Variants in RBMS3 observed in about 807,000 individuals in gnomAD.
RBMS3 encodes RNA binding motif single stranded interacting protein 3.
A neutral mutation model predicts 66.8 loss-of-function variants in RBMS3; 27 were observed. The observed-to-expected ratio is 0.40, with a 90% CI of 0.30 to 0.56. The LOEUF is 0.56. RBMS3 is among the 20% of genes least tolerant of loss of function. RBMS3 has a pLI of 0.40. For synonymous variants in RBMS3, 188 were observed against 183.0 expected (o/e 1.03, Z -0.22); for missense variants, 513 against 549.5 (o/e 0.93, Z 0.66).
intron 4 of RBMS3, among the ~76,000 whole-genome samples, chr3:29,683,083 G>C (rs1254022035): frequency 2.0e-5 from 3 of 152,114 alleles, no homozygotes; most frequent in African/African-American, 7.2e-5. Context: ...CAGAATGGTG[G>C]GGTGAAAAAT....
chr3:29,880,104 T>C (rs1209868475), intron 7 of RBMS3, among the ~76,000 whole-genome samples: 2 of 152,190 alleles, frequency 1.3e-5, no homozygotes, highest in African/African-American at 2.4e-5. Flanking sequence ...CAATATACCA[T>C]TGAAAATCTT....
intron 1 of RBMS3, among the ~76,000 whole-genome samples, chr3:29,384,524 T>C (rs2038921306): frequency 6.6e-6 from 1 of 151,810 alleles, no homozygotes. Context: ...AAAAGAGTAG[T>C]GAAGTGAAAT....
chr3:29,409,875 T>G (rs1442855116), intron 1 of RBMS3, among the ~76,000 whole-genome samples: 1 of 151,948 alleles, frequency 6.6e-6, no homozygotes, highest in Non-Finnish European at 1.5e-5. Flanking sequence ...ATTAATTGAT[T>G]TTTTTTTCAT....
intron 5 of RBMS3, among the ~76,000 whole-genome samples, chr3:29,747,376 AGG>A (rs1380869572): frequency 2.3e-5 from 3 of 130,116 alleles, no homozygotes; most frequent in South Asian, 5.1e-4. Context: ...CTATCTATCT[AGG>A]TAGGTAGGTA....
At chr3:29,618,710 A>C (rs546091501) in intron 4 of RBMS3, among the ~76,000 whole-genome samples, 50 of 152,144 alleles carry the variant, frequency 3.3e-4, no homozygotes, top group Non-Finnish European at 6.3e-4. Context: ...TAGTAAAAAT[A>C]CTTTGGCTTC....
chr3:29,433,578 G>A (rs77480967), intron 1 of RBMS3, among the ~76,000 whole-genome samples: 2,834 of 152,160 alleles, frequency 0.019, 43 homozygotes, highest in Non-Finnish European at 0.031. Context: ...AGAGAGTACC[G>A]TTATTATCTC....
intron 11 of RBMS3, among the ~76,000 whole-genome samples, chr3:29,939,470 A>G (rs1242213174): frequency 1.3e-5 from 2 of 151,938 alleles, no homozygotes; most frequent in Non-Finnish European, 2.9e-5. Flanking sequence ...TTGGTAGTAC[A>G]GCTGTTGTGA....
chr3:29,868,982 A>G lies in RBMS3; in HGVS notation c.744+18A>G, dbSNP rs749477618. On this transcript the variant is annotated intron_variant, in intron 7 of 14. Coordinates refer to ENST00000383767, the MANE Select transcript of RBMS3 (RefSeq NM_001003793.3). ...AAGGAGAGGTGAGTCCTGACTGATA[A>G]CATTTGCTCTGAAATTTGGCAGTAG... 5 of 1,557,274 alleles carry G rather than the reference A, an allele frequency of 3.2e-6. No individual in the cohort carries two copies. The South Asian group carries it at 4.8e-5, about 15-fold the overall frequency.
At chr3:29,643,952 T>C (rs1359871061) in intron 4 of RBMS3, among the ~76,000 whole-genome samples, 2 of 152,212 alleles carry the variant, frequency 1.3e-5, no homozygotes, top group Admixed American at 1.3e-4. Flanking sequence ...TTCATATTAG[T>C]CCTGTAAAGC....
intron 6 of RBMS3, among the ~76,000 whole-genome samples, chr3:29,779,101 G>A (rs139436947): frequency 4.7e-4 from 72 of 151,880 alleles, no homozygotes; most frequent in African/African-American, 1.4e-3. Context: ...CTAATTTTCA[G>A]AATGGAAATA....
At chr3:29,844,887 T>C (rs1348427280) in intron 6 of RBMS3, among the ~76,000 whole-genome samples, 1 of 152,182 alleles carries the variant, frequency 6.6e-6, no homozygotes, top group Non-Finnish European at 1.5e-5. Flanking sequence ...ACTTAAAAAG[T>C]GTCATTCTTT....
chr3:29,833,319 CA>C (rs1323694790), intron 6 of RBMS3, among the ~76,000 whole-genome samples: 1 of 151,760 alleles, frequency 6.6e-6, no homozygotes, highest in African/African-American at 2.4e-5. Flanking sequence ...ATGAGCCTAT[CA>C]AAAAAATTAA....
At chr3:29,646,657 G>C (rs569704215) in intron 4 of RBMS3, among the ~76,000 whole-genome samples, 1 of 149,810 alleles carries the variant, frequency 6.7e-6, no homozygotes, top group East Asian at 2.0e-4. Flanking sequence ...CCAGCCAAAG[G>C]CTCATTTTTT....
chr3:29,804,363 A>G (rs1366915021), intron 6 of RBMS3, among the ~76,000 whole-genome samples: 1 of 152,032 alleles, frequency 6.6e-6, no homozygotes, highest in Non-Finnish European at 1.5e-5. Flanking sequence ...AATAATTTAT[A>G]ATTAGCTCTA....
At chr3:29,734,477 C>T (rs1257564721) in intron 4 of RBMS3, among the ~76,000 whole-genome samples, 1 of 152,094 alleles carries the variant, frequency 6.6e-6, no homozygotes, top group African/African-American at 2.4e-5. Context: ...AATCATTACA[C>T]TTGTATTCAT....
intron 12 of RBMS3, among the ~76,000 whole-genome samples, chr3:29,978,670 A>C (rs895331539): frequency 1.3e-5 from 2 of 152,146 alleles, no homozygotes; most frequent in Non-Finnish European, 2.9e-5. Flanking sequence ...ACAAAAAAAA[A>C]CTAAAATTAT....
chr3:29,518,938 A>G (rs1384542097), intron 3 of RBMS3, among the ~76,000 whole-genome samples: 2 of 152,216 alleles, frequency 1.3e-5, no homozygotes, highest in Non-Finnish European at 2.9e-5. Context: ...GAAGCAAGTG[A>G]TTGAAAGTGG....
At chr3:29,384,417 CAAT>C (rs532698967) in intron 1 of RBMS3, among the ~76,000 whole-genome samples, 4,835 of 137,402 alleles carry the variant, frequency 0.035, 122 homozygotes, top group Middle Eastern at 0.057. Context: ...ACATATACAC[CAAT>C]AATAATAATA....
intron 12 of RBMS3, among the ~76,000 whole-genome samples, chr3:29,974,310 C>T (rs1474638647): frequency 4.6e-5 from 7 of 151,934 alleles, no homozygotes; most frequent in African/African-American, 7.2e-5. Flanking sequence ...GAAAAGAGAA[C>T]GTTGGTACCT....
Sources: allele counts gnomAD v4.1 joint callset (sites outside exome capture counted in the v4.1 genomes callset), GRCh38; gene constraint gnomAD v4.1.1; transcripts MANE v1.5; gene names NCBI Gene and HGNC (gene_info 2026-07-23, HGNC 2026-07-21).